The following TCAIM variants were observed in gnomAD, a reference collection of about 807,000 sequenced individuals.
The protein encoded by TCAIM is T-cell activation inhibitor, mitochondrial.
TCAIM carries 36 observed loss-of-function variants against 58.6 expected under a neutral mutation model. The ratio of observed to expected loss-of-function variants is 0.61; its 90% CI spans 0.47 to 0.81. TCAIM has a LOEUF of 0.81. Among genes scored for constraint, TCAIM ranks in the 30% least tolerant of loss-of-function variants. The pLI, the probability that TCAIM is intolerant of heterozygous loss-of-function variation, is 0.00. For synonymous variants in TCAIM, 172 were observed against 193.6 expected, an observed-to-expected ratio of 0.89 and a Z score of 0.93; for missense variants, 466 against 579.6, an observed-to-expected ratio of 0.80 and a Z score of 2.01.
At chr3:44,369,423 G>A (rs1701429186) in intron 5 of TCAIM, among the ~76,000 whole-genome samples, 1 of 152,176 alleles carries the variant, frequency 6.6e-6, no homozygotes, top group Non-Finnish European at 1.5e-5. Context: ...ATGTATTAAA[G>A]GATTTCATAG....
intron 5 of TCAIM, among the ~76,000 whole-genome samples, chr3:44,377,224 T>A (rs1299407115): frequency 9.2e-5 from 14 of 152,060 alleles, no homozygotes. Context: ...AAAAGAGAGT[T>A]ATACTAATAT....
chr3:44,374,384 A>G (rs1701531997), intron 5 of TCAIM, among the ~76,000 whole-genome samples: 1 of 151,998 alleles, frequency 6.6e-6, no homozygotes, highest in South Asian at 2.1e-4. Context: ...TTACATACAC[A>G]TAAATACAGG....
At chr3:44,355,379 T>C (rs1052837203) in intron 2 of TCAIM, among the ~76,000 whole-genome samples, 17 of 152,216 alleles carry the variant, frequency 1.1e-4, no homozygotes, top group African/African-American at 3.9e-4. Flanking sequence ...GTTGGAAAGA[T>C]AGATGGGGAA....
intron 1 of TCAIM, among the ~76,000 whole-genome samples, chr3:44,351,195 G>A (rs1701081279): frequency 6.6e-6 from 1 of 152,044 alleles, no homozygotes; most frequent in South Asian, 2.1e-4. Context: ...CTCCATGTTG[G>A]CCAGGCTGGT....
At chr3:44,349,581 G>A (rs751099640) in intron 1 of TCAIM, among the ~76,000 whole-genome samples, 6 of 152,138 alleles carry the variant, frequency 3.9e-5, no homozygotes, top group Non-Finnish European at 8.8e-5. Context: ...TGCCACCAAA[G>A]TGAAGGATCA....
Position 44,392,873 on chromosome 3 carries a change from TG to T in TCAIM, c.594del (p.Ser200ValfsTer6). ...TTLTSWLDNN[G>X]KSAVKKLKNS... ...TTTCTAGATCCTGGTTAGATAACAA[TG>T]GGAAAAGTGCTGTTAAAAAGCTAAA... On this transcript the variant is annotated frameshift_variant, in exon 6 of 11. Transcript: ENST00000342649. LOFTEE classifies it high-confidence loss of function. 6.2e-7 allele frequency: 1 copy of T among 1,612,912 alleles called. No homozygotes were observed. Among genetic ancestry groups the T allele is most frequent in the South Asian group, 1.1e-5 (1 of 91,008 alleles).
rs182969423 is a variant in TCAIM, at chr3:44,367,613, G to A, written c.477G>A (p.Arg159=). ...AAGAAGCTAAAAGGATGCCTGACAG[G>A]CCCATCAAATGGGACAAGTCTTATT... ...PLKEAKRMPD[R]PIKWDKSYYS... The change falls in exon 5 of 11, where the codon AGG becomes AGA. Residue 159 remains arginine (R), a synonymous_variant. Transcript: ENST00000342649. 1 of 1,614,042 alleles carries A rather than the reference G, an allele frequency of 6.2e-7. No individual in the cohort carries two copies. The highest frequency in any genetic ancestry group is 2.2e-5 in the East Asian group (1 of 44,846).
At chr3:44,351,848 C>T (rs1701097582) in intron 1 of TCAIM, among the ~76,000 whole-genome samples, 1 of 152,098 alleles carries the variant, frequency 6.6e-6, no homozygotes, top group Non-Finnish European at 1.5e-5. Context: ...CTCCTAGAAA[C>T]TCTTGCCACA....
chr3:44,357,833 T>C lies in TCAIM; in HGVS notation c.122T>C (p.Phe41Ser). The C allele has an allele frequency of 4.3e-6, 7 of 1,614,176 alleles. No homozygotes were observed. Among genetic ancestry groups the C allele is most frequent in the Non-Finnish European group, 5.9e-6 (7 of 1,180,016 alleles). Residue 41 changes from phenylalanine (F) to serine (S), a missense_variant, in exon 3 of 11, where the codon TTT (phenylalanine) becomes TCT (serine). Physicochemically the swap from Phe to Ser is radical, Grantham distance 155. Transcript: ENST00000342649. ...GTCAATGCCTTGAGGCCTTTCTATT[T>C]TGCAGTACATCCAGATTTCTTTGGA... ...EAVNALRPFYFAVHPDFFGQH... is the reference protein window; with the variant it reads ...EAVNALRPFYSAVHPDFFGQH...
chr3:44,375,326 G>A (rs1434838310), intron 5 of TCAIM, among the ~76,000 whole-genome samples: 1 of 152,160 alleles, frequency 6.6e-6, no homozygotes, highest in East Asian at 1.9e-4. Context: ...TGTGGCATCA[G>A]CATCTGCTTC....
intron 5 of TCAIM, among the ~76,000 whole-genome samples, chr3:44,376,824 C>T (rs746642904): frequency 5.6e-4 from 86 of 152,346 alleles, no homozygotes; most frequent in Middle Eastern, 3.4e-3. Flanking sequence ...CGAGGTGGCT[C>T]ACGCCTGTAA....
At chr3:44,346,627 C>T (rs1421132942) in intron 1 of TCAIM, among the ~76,000 whole-genome samples, 2 of 152,148 alleles carry the variant, frequency 1.3e-5, no homozygotes, top group African/African-American at 2.4e-5. Context: ...CTAAGAGGCA[C>T]GCTAGCGGCT....
intron 5 of TCAIM, among the ~76,000 whole-genome samples, chr3:44,388,054 T>C (rs564051588): frequency 6.6e-6 from 1 of 151,968 alleles, no homozygotes; most frequent in African/African-American, 2.4e-5. Context: ...AAATTATATA[T>C]GTATATTTAT....
At chr3:44,392,263 T>C (rs1701850014) in intron 5 of TCAIM, among the ~76,000 whole-genome samples, 1 of 152,224 alleles carries the variant, frequency 6.6e-6, no homozygotes, top group Non-Finnish European at 1.5e-5. Context: ...AAAGGTTTGA[T>C]TGAAAACTCA....
chr3:44,364,262 G>C (rs1701336670), intron 4 of TCAIM, among the ~76,000 whole-genome samples: 1 of 151,268 alleles, frequency 6.6e-6, no homozygotes. Flanking sequence ...AATGTAAAAG[G>C]TTACAGAAAA....
chr3:44,353,358 G>T (rs574796025), intron 1 of TCAIM, among the ~76,000 whole-genome samples: 1 of 152,172 alleles, frequency 6.6e-6, no homozygotes, highest in Non-Finnish European at 1.5e-5. Context: ...CCAAGTTTTA[G>T]CAGTTATAAA....
chr3:44,401,108 T>A, intron 9 of TCAIM, 95 bp from the exon 10 acceptor site: 1 of 1,515,650 alleles, frequency 6.6e-7, no homozygotes, highest in Non-Finnish European at 8.8e-7. Flanking sequence ...TCTTGATGAT[T>A]TTTTTTTATT....
chr3:44,372,586 T>A (rs540141003), intron 5 of TCAIM, among the ~76,000 whole-genome samples: 6 of 151,672 alleles, frequency 4.0e-5, no homozygotes, highest in Non-Finnish European at 7.4e-5. Context: ...ATCAAAACTT[T>A]CTTTTTTTTT....
At chr3:44,340,153 C>T (rs1700827519) in intron 1 of TCAIM, 1 of 152,252 alleles carries the variant, frequency 6.6e-6, no homozygotes, top group African/African-American at 2.4e-5. Flanking sequence ...GCACCCAACT[C>T]TACTCTGAAG....
Sources: gnomAD v4.1 joint callset for allele counts (sites outside exome capture counted in the v4.1 genomes callset) on GRCh38, gnomAD v4.1.1 for gene constraint, MANE v1.5 for transcripts, NCBI Gene and HGNC (gene_info 2026-07-23, HGNC 2026-07-21) for gene names.